The following IQCH variants were observed in gnomAD, a reference collection of about 807,000 sequenced individuals.
IQCH encodes IQ motif containing H.
A neutral mutation model predicts 117.0 loss-of-function variants in IQCH; 98 were observed. That is an observed-to-expected ratio of 0.84 (90% CI 0.71 to 0.99). The LOEUF is 0.99. Among genes scored for constraint, IQCH ranks in the 50% least tolerant of loss-of-function variants. The pLI is 0.00. For synonymous variants in IQCH, 412 were observed against 448.2 expected (o/e 0.92, Z 1.02); for missense variants, 1,102 against 1,243.8 (o/e 0.89, Z 1.72).
At position 67,395,477 on chromosome 15, in the gene IQCH, AG is replaced by A. The variant is rs1971434288; in HGVS notation, c.1820del (p.Ser607IlefsTer30). ...TGAGCCTGAACTAGCTCATCTTTATAGTACCAAATCTGGAGGCAAACGTGTC... is the reference window on the plus strand; with the variant it reads ...TGAGCCTGAACTAGCTCATCTTTATATACCAAATCTGGAGGCAAACGTGTC... ...GSEPELAHLYSTKSGGKRVFD... is the reference protein window; with the variant it reads ...GSEPELAHLYXTKSGGKRVFD... On this transcript the variant is annotated frameshift_variant, in exon 13 of 21. Coordinates refer to ENST00000335894, the MANE Select transcript of IQCH (RefSeq NM_001031715.3). LOFTEE classifies it high-confidence loss of function. The surrounding 1 kb of genome is among the most constrained non-coding windows in gnomAD (Gnocchi z 4.0). 3 of 1,613,992 alleles carry A rather than the reference AG, an allele frequency of 1.9e-6. No individual in the cohort carries two copies. The highest frequency in any genetic ancestry group is 1.3e-5 in the African/African-American group (1 of 74,940).
At chr15:67,480,490 A>G (rs1417487794) in intron 18 of IQCH, among the ~76,000 whole-genome samples, 7 of 152,178 alleles carry the variant, frequency 4.6e-5, no homozygotes, top group African/African-American at 1.7e-4. Flanking sequence ...TCATGTGGGA[A>G]ATGGAGCAGG....
In IQCH at chr15:67,395,346, G is replaced by C. The variant is rs756428329; in HGVS notation, c.1688G>C (p.Arg563Thr). The change falls in exon 13 of 21, where the codon AGA becomes ACA. Residue 563 changes from arginine to threonine, a missense_variant. By Grantham distance (71) the Arg-to-Thr change is moderately conservative. Around this residue, in one of 2 missense-constraint regions of IQCH, gnomAD observed 650 missense variants for 794.3 expected, o/e 0.82. Coordinates refer to ENST00000335894, the MANE Select transcript of IQCH (RefSeq NM_001031715.3). This position sits in a 1 kb window ranked among gnomAD's most constrained non-coding sequence, Gnocchi z 4.0. ...ATGTACAGTCCCAAGGCAATCAAAA[G>C]AATAAAAAATCTCATCCGAGGAACA... ...HLMYSPKAIK[R>T]IKNLIRGTEA... 3 of 1,613,958 alleles carry C rather than the reference G, an allele frequency of 1.9e-6. No individual in the cohort carries two copies. The East Asian group carries it at 6.7e-5, about 36-fold the overall frequency.
rs1415955979 is a variant in IQCH, at chr15:67,410,388, T to C, written c.2098-6543T>C. Among the ~76,000 whole-genome samples the C allele has an allele frequency of 2.6e-5, 4 of 152,240 alleles. No individual in the cohort carries two copies. The East Asian group carries it at 7.7e-4, about 29-fold the overall frequency. ...CCAGTTACTTTCCACTTCTGTATAC[T>C]ACACTCCATTCTAAGGCTGGCCATC... On this transcript the variant is annotated intron_variant, in intron 14 of 20. Coordinates refer to ENST00000335894, the MANE Select transcript of IQCH (RefSeq NM_001031715.3).
intron 4 of IQCH, among the ~76,000 whole-genome samples, chr15:67,314,156 C>T (rs1337569003): frequency 6.6e-6 from 1 of 152,132 alleles, no homozygotes; most frequent in Non-Finnish European, 1.5e-5. Context: ...AACCTCATCC[C>T]TGATCCCTAC....
Position 67,390,937 on chromosome 15 carries a change from G to T in IQCH, c.1632+1931G>T, listed in dbSNP as rs1044021020. ...GAGTGTGAACCAAAATCTCTCTACC[G>T]CAGAGCAGTATCATGAGTTGGAATG... is the stretch of plus-strand genomic sequence containing the variant. On this transcript the variant is annotated intron_variant, in intron 12 of 20. Coordinates refer to ENST00000335894, the MANE Select transcript of IQCH (RefSeq NM_001031715.3). The surrounding 1 kb of genome is among the most constrained non-coding windows in gnomAD (Gnocchi z 5.0). Among the ~76,000 whole-genome samples the T allele has an allele frequency of 6.6e-6, 1 of 152,200 alleles. No individual in the cohort carries two copies. Among genetic ancestry groups the T allele is most frequent in the Non-Finnish European group, 1.5e-5 (1 of 68,046 alleles).
At position 67,385,136 on chromosome 15, in the gene IQCH, G is replaced by T. The variant is rs1971070222; in HGVS notation, c.1456+117G>T. The T allele has an allele frequency of 6.6e-6, 4 of 605,650 alleles. No homozygotes were observed. The highest frequency in any genetic ancestry group is 1.2e-5 in the Non-Finnish European group (4 of 341,076). 37.5% of individuals were successfully genotyped at this position (605,650 alleles called of 1,614,324 possible). A position where few individuals can be genotyped will look rare whatever the true frequency, so the allele number is the denominator to read the frequency against. On this transcript the variant is annotated intron_variant, in intron 11 of 20. Coordinates refer to ENST00000335894, the MANE Select transcript of IQCH (RefSeq NM_001031715.3). This position sits in a 1 kb window ranked among gnomAD's most constrained non-coding sequence, Gnocchi z 4.6. ...TATTTTTTTCCTCTACAAGGAAAAA[G>T]CTCAGATGTTTAATCTACTTACAGG...
rs542992894 is a variant in IQCH at position 67,357,832 on chromosome 15, G to A, written c.714+411G>A. Among the ~76,000 whole-genome samples the A allele has an allele frequency of 3.3e-5, 5 of 149,718 alleles. No individual in the cohort carries two copies. The East Asian group carries it at 7.8e-4, about 23-fold the overall frequency. Reference sequence around the variant, plus strand: ...AAACATAGAATACCTTAATGAAGCAGGGGAAAGAATTCTGTATTATCATTA... The same window carrying A: ...AAACATAGAATACCTTAATGAAGCAAGGGAAAGAATTCTGTATTATCATTA... On this transcript the variant is annotated intron_variant, in intron 7 of 20. Transcript: ENST00000335894.
At chr15:67,492,459 G>A (rs2083684249) in intron 19 of IQCH, among the ~76,000 whole-genome samples, 1 of 152,134 alleles carries the variant, frequency 6.6e-6, no homozygotes, top group South Asian at 2.1e-4. Flanking sequence ...GCCAAACACT[G>A]GACCCAGGAT....
intron 14 of IQCH, among the ~76,000 whole-genome samples, chr15:67,412,856 G>A (rs375381450): frequency 6.6e-6 from 1 of 152,154 alleles, no homozygotes; most frequent in Admixed American, 6.5e-5. Flanking sequence ...TTCATCATTT[G>A]TTGAAGCTCA....
At chr15:67,286,678 G>A (rs1381334446) in intron 4 of IQCH, among the ~76,000 whole-genome samples, 1 of 151,734 alleles carries the variant, frequency 6.6e-6, no homozygotes, top group East Asian at 1.9e-4. Flanking sequence ...GGTGCAGTTC[G>A]GGCTTACTGT....
At chr15:67,311,524 T>G (rs933743441) in intron 4 of IQCH, among the ~76,000 whole-genome samples, 9 of 149,180 alleles carry the variant, frequency 6.0e-5, no homozygotes, top group African/African-American at 1.9e-4. Context: ...TTGGTTTATA[T>G]TGCTATAACC....
At chr15:67,325,350 C>G (rs1968359108) in intron 4 of IQCH, among the ~76,000 whole-genome samples, 1 of 151,910 alleles carries the variant, frequency 6.6e-6, no homozygotes, top group Admixed American at 6.6e-5. Flanking sequence ...ATGTATAACA[C>G]ATATATCTAA....
intron 4 of IQCH, among the ~76,000 whole-genome samples, chr15:67,306,187 A>G (rs528558008): frequency 6.6e-6 from 1 of 152,240 alleles, no homozygotes; most frequent in East Asian, 1.9e-4. Context: ...GATTTATAAA[A>G]CAGAAGCATT....
intron 4 of IQCH, among the ~76,000 whole-genome samples, chr15:67,304,929 A>G (rs1967225611): frequency 6.6e-6 from 1 of 152,078 alleles, no homozygotes; most frequent in Admixed American, 6.6e-5. Context: ...TCAGCAAAAT[A>G]GTGAGAGGGA....
Position 67,370,979 on chromosome 15 carries a change from G to A in IQCH, c.754-1132G>A, listed in dbSNP as rs916383066. Among the ~76,000 whole-genome samples the A allele has an allele frequency of 8.7e-5, 13 of 149,990 alleles. No homozygotes were observed. Among genetic ancestry groups the A allele is most frequent in the African/African-American group, 3.2e-4 (13 of 40,652 alleles). ...TAAATTGCTGGGGGGGGTTTTCTTTGAGTTTTTTGAAAACTCTTCAAAATG... is the reference window on the plus strand; with the variant it reads ...TAAATTGCTGGGGGGGGTTTTCTTTAAGTTTTTTGAAAACTCTTCAAAATG... On this transcript the variant is annotated intron_variant, in intron 8 of 20. Coordinates refer to ENST00000335894, the MANE Select transcript of IQCH (RefSeq NM_001031715.3). The surrounding 1 kb of genome is among the most constrained non-coding windows in gnomAD (Gnocchi z 5.6).
At chr15:67,499,807 C>G (rs1323152026) in intron 20 of IQCH, among the ~76,000 whole-genome samples, 5 of 152,080 alleles carry the variant, frequency 3.3e-5, no homozygotes, top group Admixed American at 3.3e-4. Context: ...AAGTACTGAT[C>G]CATGCTGCAA....
intron 3 of IQCH, among the ~76,000 whole-genome samples, chr15:67,271,555 TTAGA>T (rs1453569459): frequency 6.6e-6 from 1 of 152,212 alleles, no homozygotes; most frequent in Non-Finnish European, 1.5e-5. Flanking sequence ...TTGGTTTTTC[TTAGA>T]TAGGAAACTT....
In IQCH at chr15:67,459,518, G is replaced by A. The variant is rs1298657854; in HGVS notation, c.2506-5609G>A. 2.0e-5 allele frequency among the ~76,000 whole-genome samples: 3 copies of A among 152,228 alleles called. No homozygotes were observed. Among genetic ancestry groups the A allele is most frequent in the Non-Finnish European group, 2.9e-5 (2 of 68,038 alleles). On this transcript the variant is annotated intron_variant, in intron 16 of 20. Transcript: ENST00000335894. This position sits in a 1 kb window ranked among gnomAD's most constrained non-coding sequence, Gnocchi z 4.2. ...AGGGGTGAGCAGGCAGCCTCCATCT[G>A]CTGAGAACACCTCAGGCAAAAAGGG...
At chr15:67,330,166 A>G (rs1171856723) in intron 4 of IQCH, among the ~76,000 whole-genome samples, 4 of 152,152 alleles carry the variant, frequency 2.6e-5, no homozygotes, top group African/African-American at 9.7e-5. Context: ...AGCCACAGAA[A>G]GCTGCAAGGC....
Sources: allele counts gnomAD v4.1 joint callset (sites outside exome capture counted in the v4.1 genomes callset), GRCh38; gene constraint gnomAD v4.1.1; regional missense constraint gnomAD v4.1.1; non-coding constraint Gnocchi (gnomAD v3.1); transcripts MANE v1.5; gene names NCBI Gene and HGNC (gene_info 2026-07-23, HGNC 2026-07-21).